Variants in MOSPD2 observed in about 807,000 individuals in gnomAD.
The protein encoded by MOSPD2 is motile sperm domain-containing protein 2.
Under a neutral mutation model 41.7 loss-of-function variants are expected in MOSPD2, and 5 were observed. The ratio of observed to expected loss-of-function variants is 0.12; its 90% CI spans 0.06 to 0.25. MOSPD2 has a LOEUF of 0.25. Ranked by LOEUF, MOSPD2 falls within the 10% of genes least tolerant of loss-of-function variation. MOSPD2 has a pLI of 1.00. For missense variants in MOSPD2, 282 were observed against 375.2 expected, an observed-to-expected ratio of 0.75 and a Z score of 2.05; for synonymous variants, 115 against 126.9, an observed-to-expected ratio of 0.91 and a Z score of 0.63.
Position 14,873,445 on chromosome X carries a change from G to C in MOSPD2, c.-84G>C. ...CACCCTTCTCTGTCTACCTCTGGGC[G>C]GGACTGCCGGGTGATGAGATACTCG... On this transcript the variant is annotated 5_prime_UTR_variant, in exon 1 of 15. Transcript: ENST00000380492. 6 of 1,181,331 alleles carry C rather than the reference G, an allele frequency of 5.1e-6. No individual in the cohort carries two copies. Among genetic ancestry groups the C allele is most frequent in the Non-Finnish European group, 6.9e-6 (6 of 868,582 alleles).
intron 11 of MOSPD2, among the ~76,000 whole-genome samples, chrX:14,915,139 G>T (rs774516592): frequency 2.7e-5 from 3 of 111,628 alleles, no homozygotes; most frequent in Non-Finnish European, 5.6e-5. Context: ...ATTATCTACT[G>T]TTTTTTAATT....
At position 14,908,969 on chromosome X, in the gene MOSPD2, C is replaced by A. The variant is rs755931356; in HGVS notation, c.687C>A (p.Pro229=). ...ATGTCAGTGTAGAATACCTGCCTCC[C>A]CACATGGGTGGAACTGTAAGTATTT... The part of the protein sequence containing the change: ...QDYVSVEYLP[P]HMGGTDPFKY... The change falls in exon 8 of 15, where the codon CCC becomes CCA. Residue 229 remains proline (P), a synonymous_variant. Coordinates refer to ENST00000380492, the MANE Select transcript of MOSPD2 (RefSeq NM_152581.4). The A allele has an allele frequency of 9.5e-6, 11 of 1,156,330 alleles. No homozygotes were observed. Among genetic ancestry groups the A allele is most frequent in the Non-Finnish European group, 1.3e-5 (11 of 859,458 alleles).
intron 11 of MOSPD2, among the ~76,000 whole-genome samples, chrX:14,915,043 G>A (rs1164376227): frequency 9.0e-6 from 1 of 111,624 alleles, no homozygotes; most frequent in Admixed American, 9.5e-5. Flanking sequence ...GACTAAGTCC[G>A]TCACTACCCC....
At chrX:14,892,635 G>A in intron 2 of MOSPD2, 88 bp from the exon 3 acceptor site, 1 of 699,818 alleles carries the variant, frequency 1.4e-6, no homozygotes, top group East Asian at 3.2e-5. Flanking sequence ...ACTTTGTCTT[G>A]GAAGTCTTTC....
chrX:14,887,080 A>C (rs1330048537), intron 2 of MOSPD2, among the ~76,000 whole-genome samples: 1 of 112,190 alleles, frequency 8.9e-6, no homozygotes, highest in Non-Finnish European at 1.9e-5. Context: ...AATGCCCCAG[A>C]AGGACTTTCA....
Position 14,873,453 on chromosome X carries a change from C to T in MOSPD2, c.-76C>T, listed in dbSNP as rs1206049302. ...TCTGTCTACCTCTGGGCGGGACTGC[C>T]GGGTGATGAGATACTCGGTCGGCGA... On this transcript the variant is annotated 5_prime_UTR_variant, in exon 1 of 15. Coordinates refer to ENST00000380492, the MANE Select transcript of MOSPD2 (RefSeq NM_152581.4). 6 of 1,197,480 alleles carry T rather than the reference C, an allele frequency of 5.0e-6. No homozygotes were observed. Among genetic ancestry groups the T allele is most frequent in the East Asian group, 3.0e-5 (1 of 33,761 alleles).
At chrX:14,910,971 A>T (rs949377427) in intron 8 of MOSPD2, among the ~76,000 whole-genome samples, 3 of 110,755 alleles carry the variant, frequency 2.7e-5, no homozygotes, top group African/African-American at 9.8e-5. Context: ...AACAACATAT[A>T]CATTTAAAGC....
chrX:14,888,477 C>T (rs111493367), intron 2 of MOSPD2, among the ~76,000 whole-genome samples: 7,493 of 110,716 alleles, frequency 0.068, 258 homozygotes, highest in Non-Finnish European at 0.1. Context: ...TCTCTCTTTG[C>T]TTGCCACCAT....
At chrX:14,904,963 C>A (rs753682613) in intron 7 of MOSPD2, among the ~76,000 whole-genome samples, 2 of 111,674 alleles carry the variant, frequency 1.8e-5, no homozygotes, top group South Asian at 7.5e-4. Context: ...GTCATATTGT[C>A]CCATTGTCAC....
intron 2 of MOSPD2, among the ~76,000 whole-genome samples, chrX:14,877,406 G>T (rs1473176944): frequency 9.1e-6 from 1 of 110,053 alleles, no homozygotes; most frequent in Non-Finnish European, 1.9e-5. Context: ...GCAATGGCGT[G>T]ATCTTGGCTC....
chrX:14,904,298 C>A (rs1028756911), intron 7 of MOSPD2, among the ~76,000 whole-genome samples: 1 of 111,663 alleles, frequency 9.0e-6, no homozygotes, highest in African/African-American at 3.3e-5. Context: ...ACACCATGAC[C>A]AAGTGGGCTC....
chrX:14,909,296 T>A (rs1848942337), intron 8 of MOSPD2, among the ~76,000 whole-genome samples: 1 of 111,795 alleles, frequency 8.9e-6, no homozygotes, highest in Admixed American at 9.5e-5. Flanking sequence ...GCTGAATTTC[T>A]TGTATTAATT....
At chrX:14,884,319 A>G (rs1035434234) in intron 2 of MOSPD2, among the ~76,000 whole-genome samples, 3 of 112,023 alleles carry the variant, frequency 2.7e-5, no homozygotes, top group Non-Finnish European at 5.6e-5. Context: ...GAAAAAACAA[A>G]TAATAATAAG....
chrX:14,896,414 A>G (rs939689733), intron 4 of MOSPD2, among the ~76,000 whole-genome samples: 1 of 111,422 alleles, frequency 9.0e-6, no homozygotes, highest in African/African-American at 3.3e-5. Flanking sequence ...CTCACCAGCT[A>G]CTTCCTCAAT....
Position 14,917,400 on chromosome X carries a change from G to C in MOSPD2, c.1316+1074G>C, listed in dbSNP as rs137939483. Among the ~76,000 whole-genome samples, 699 of 111,809 alleles carry C rather than the reference G, an allele frequency of 6.3e-3. 10 individuals are homozygous for C. The highest frequency in any genetic ancestry group is 0.022 in the African/African-American group (674 of 30,694). ...CCAGTAAGGGAGGAGCATGGTGAGA[G>C]ATGGGGACAGAGATAGTAGGATATC... On this transcript the variant is annotated intron_variant, in intron 13 of 14. Coordinates refer to ENST00000380492, the MANE Select transcript of MOSPD2 (RefSeq NM_152581.4).
chrX:14,919,306 T>C (rs564036106), intron 14 of MOSPD2, among the ~76,000 whole-genome samples: 4 of 112,108 alleles, frequency 3.6e-5, no homozygotes, highest in African/African-American at 9.7e-5. Flanking sequence ...CAAGGTACTT[T>C]GGGGAGTATC....
intron 12 of MOSPD2, 36 bp downstream of exon 12, chrX:14,915,800 G>A (rs764288933): frequency 3.2e-5 from 35 of 1,086,897 alleles, no homozygotes; most frequent in Non-Finnish European, 4.2e-5. Flanking sequence ...CAGGTGTTGG[G>A]TGTGGTGGGG....
intron 2 of MOSPD2, among the ~76,000 whole-genome samples, chrX:14,889,605 C>T (rs1046171225): frequency 9.2e-6 from 1 of 109,098 alleles, no homozygotes; most frequent in Non-Finnish European, 1.9e-5. Flanking sequence ...CCTCTCTCCC[C>T]CAACCCCCAT....
At chrX:14,876,594 A>T (rs747867594) in intron 2 of MOSPD2, among the ~76,000 whole-genome samples, 1 of 111,958 alleles carries the variant, frequency 8.9e-6, no homozygotes, top group South Asian at 3.7e-4. Context: ...AATCTCAAAT[A>T]AGAAACGTTT....
Sources: gnomAD v4.1 joint callset for allele counts (sites outside exome capture counted in the v4.1 genomes callset) on GRCh38, gnomAD v4.1.1 for gene constraint, MANE v1.5 for transcripts, NCBI Gene and HGNC (gene_info 2026-07-23, HGNC 2026-07-21) for gene names.